UTRN: variants seen among roughly 807,000 people sequenced by gnomAD.
The protein encoded by UTRN is utrophin, also known as dystrophin-related protein 1.
Under a neutral mutation model 463.9 loss-of-function variants are expected in UTRN, and 283 were observed. That is an observed-to-expected ratio of 0.61 (90% CI 0.55 to 0.67). The LOEUF (loss-of-function observed/expected upper bound fraction) is 0.67. UTRN is among the 30% of genes least tolerant of loss of function. The pLI is 0.00. For synonymous variants in UTRN, 1,442 were observed against 1,431.5 expected, an observed-to-expected ratio of 1.01 and a Z score of -0.17; for missense variants, 3,922 against 4,084.3, an observed-to-expected ratio of 0.96 and a Z score of 1.08.
intron 54 of UTRN, among the ~76,000 whole-genome samples, chr6:144,732,245 TATATATATATATACACAC>T (rs1197972474): frequency 4.6e-5 from 5 of 108,420 alleles, no homozygotes; most frequent in African/African-American, 2.7e-4. Flanking sequence ...TATACATATA[TATATATATATATACACAC>T]ATATATATAT....
chr6:144,687,312 T>C (rs1376839673), intron 52 of UTRN, among the ~76,000 whole-genome samples: 1 of 151,838 alleles, frequency 6.6e-6, no homozygotes, highest in Non-Finnish European at 1.5e-5. Context: ...GACTTTCTCT[T>C]TCTCACCTAA....
intron 57 of UTRN, among the ~76,000 whole-genome samples, chr6:144,756,211 T>C (rs1438931870): frequency 3.9e-5 from 6 of 152,174 alleles, no homozygotes; most frequent in African/African-American, 1.4e-4. Flanking sequence ...TGTAAAGCTA[T>C]GTACCAAGAC....
rs147543721 is a variant in UTRN at position 144,839,381 on chromosome 6, C to T, written c.10177+97C>T. On this transcript the variant is annotated intron_variant, in intron 72 of 74. Coordinates refer to ENST00000367545, the MANE Select transcript of UTRN (RefSeq NM_007124.3). Reference sequence around the variant, plus strand: ...TAAGTAACATTCCTACACACTGGTGCCTTAGGAAGTAAAAGAGTTTTTTGT... The same window carrying T: ...TAAGTAACATTCCTACACACTGGTGTCTTAGGAAGTAAAAGAGTTTTTTGT... 387 of 928,410 alleles carry T rather than the reference C, an allele frequency of 4.2e-4. 2 individuals carry two copies. In the East Asian group the frequency reaches 9.7e-3, roughly 23 times the overall value. 57.5% of individuals were successfully genotyped at this position (928,410 alleles called of 1,614,324 possible). A position where few individuals can be genotyped will look rare whatever the true frequency, so the allele number is the denominator to read the frequency against.
chr6:144,784,218 A>C (rs6926377), intron 61 of UTRN, among the ~76,000 whole-genome samples: 68,956 of 152,052 alleles, frequency 0.45, 18,140 homozygotes, highest in African/African-American at 0.72. Context: ...CAGTTGCCTT[A>C]TATTGTCCAT....
Position 144,789,215 on chromosome 6 carries a change from A to G in UTRN, c.8856A>G (p.Arg2952=). The G allele has an allele frequency of 6.2e-7, 1 of 1,613,468 alleles. No homozygotes were observed. ...TTAGGGGTCGAACTGGAAAAATTAG[A>G]GTGCAGAGTCTGAAGATTGGATTAA... ...VYDTGRTGKI[R]VQSLKIGLMS... Residue 2952 remains arginine, a synonymous_variant, in exon 62 of 75, where the codon AGA becomes AGG. Transcript: ENST00000367545.
Position 144,645,854 on chromosome 6 carries a change from T to C in UTRN, c.7480-32552T>C, listed in dbSNP as rs1172915116. Among the ~76,000 whole-genome samples the C allele has an allele frequency of 4.6e-5, 7 of 151,766 alleles. No homozygotes were observed. In the East Asian group the frequency reaches 1.3e-3, roughly 29 times the overall value. On this transcript the variant is annotated intron_variant, in intron 51 of 74. Coordinates refer to ENST00000367545, the MANE Select transcript of UTRN (RefSeq NM_007124.3). ...CAGAGTTGGCTGCTTGTAATGGGAG[T>C]GGGGGAGAAAGCAACTCTTTAAAAA...
chr6:144,587,668 C>CT (rs938692962), intron 51 of UTRN, among the ~76,000 whole-genome samples: 3 of 152,184 alleles, frequency 2.0e-5, no homozygotes, highest in Middle Eastern at 3.4e-3. Flanking sequence ...ATTTCCCCAC[C>CT]TTTTTTTCAC....
intron 2 of UTRN, among the ~76,000 whole-genome samples, chr6:144,337,735 C>T (rs1025134397): frequency 6.6e-6 from 1 of 152,154 alleles, no homozygotes; most frequent in Non-Finnish European, 1.5e-5. Context: ...ATGCCTCACC[C>T]TCCTGAATAG....
chr6:144,846,472 C>G (rs1487840097), intron 73 of UTRN, among the ~76,000 whole-genome samples: 1 of 152,160 alleles, frequency 6.6e-6, no homozygotes, highest in African/African-American at 2.4e-5. Context: ...AGAACATGCT[C>G]TGTTCTGATA....
At chr6:144,675,480 G>A (rs922654450) in intron 51 of UTRN, among the ~76,000 whole-genome samples, 1 of 152,176 alleles carries the variant, frequency 6.6e-6, no homozygotes, top group Non-Finnish European at 1.5e-5. Context: ...CAGGACTTGT[G>A]GTTAAGCTGA....
chr6:144,781,303 A>G (rs899147324), intron 60 of UTRN, among the ~76,000 whole-genome samples: 8 of 152,142 alleles, frequency 5.3e-5, no homozygotes, highest in African/African-American at 1.7e-4. Flanking sequence ...TCAGAGCATC[A>G]TCGGAAGTAA....
At chr6:144,435,846 G>A in intron 9 of UTRN, 89 bp from the exon 10 acceptor site, 1 of 1,396,490 alleles carries the variant, frequency 7.2e-7, no homozygotes, top group East Asian at 2.5e-5. Context: ...AGAGTGGTGG[G>A]TACTTTGGGT....
intron 50 of UTRN, among the ~76,000 whole-genome samples, chr6:144,568,617 C>G (rs777255738): frequency 1.3e-5 from 2 of 152,000 alleles, no homozygotes; most frequent in Non-Finnish European, 2.9e-5. Flanking sequence ...TTTTTGCGAT[C>G]GGCACACTAC....
intron 51 of UTRN, among the ~76,000 whole-genome samples, chr6:144,633,953 G>A (rs1434965644): frequency 6.6e-6 from 1 of 152,222 alleles, no homozygotes; most frequent in African/African-American, 2.4e-5. Context: ...TGGATTAGAT[G>A]TGCAGGAATA....
At chr6:144,435,761 G>A (rs182157260) in intron 9 of UTRN, among the ~76,000 whole-genome samples, 174 bp from the exon 10 acceptor site, 60 of 152,298 alleles carry the variant, frequency 3.9e-4, no homozygotes, top group African/African-American at 1.4e-3. Context: ...CTACCCTAGT[G>A]CACTTACTCA....
chr6:144,757,204 TA>T (rs1792087865), intron 57 of UTRN, among the ~76,000 whole-genome samples: 1 of 147,696 alleles, frequency 6.8e-6, no homozygotes, highest in Admixed American at 6.8e-5. Context: ...AGGAATAATA[TA>T]TTTTTTATAA....
At chr6:144,511,310 TAC>T (rs1265841963) in intron 35 of UTRN, among the ~76,000 whole-genome samples, 187 bp downstream of exon 35, 1 of 152,240 alleles carries the variant, frequency 6.6e-6, no homozygotes, top group Non-Finnish European at 1.5e-5. Context: ...AGAAAGAATT[TAC>T]AGTGTTTCTA....
At chr6:144,321,931 T>C (rs1775685092) in intron 2 of UTRN, among the ~76,000 whole-genome samples, 1 of 152,116 alleles carries the variant, frequency 6.6e-6, no homozygotes, top group African/African-American at 2.4e-5. Context: ...GCCTGGCTGA[T>C]TTTTGCATTT....
At chr6:144,319,964 C>T (rs1310949356) in intron 2 of UTRN, among the ~76,000 whole-genome samples, 1 of 152,046 alleles carries the variant, frequency 6.6e-6, no homozygotes, top group Non-Finnish European at 1.5e-5. Context: ...AGCAATTCTC[C>T]TGTCTCAGTC....
Sources: allele counts gnomAD v4.1 joint callset (sites outside exome capture counted in the v4.1 genomes callset), GRCh38; gene constraint gnomAD v4.1.1; transcripts MANE v1.5; gene names NCBI Gene and HGNC (gene_info 2026-07-23, HGNC 2026-07-21).